The following MIPEP variants were observed in gnomAD, a reference collection of about 807,000 sequenced individuals.
MIPEP encodes mitochondrial intermediate peptidase.
Under a neutral mutation model 90.3 loss-of-function variants are expected in MIPEP, and 79 were observed. That is an observed-to-expected ratio of 0.87 (90% CI 0.73 to 1.05). MIPEP has a LOEUF of 1.05. Among genes scored for constraint, MIPEP ranks in the 50% least tolerant of loss-of-function variants. The probability of loss-of-function intolerance (pLI) is 0.00; values close to 1 mark genes in which losing one functional copy is unlikely to be tolerated. For synonymous variants in MIPEP, 334 were observed against 315.8 expected (o/e 1.06, Z -0.61); for missense variants, 940 against 905.6 (o/e 1.04, Z -0.49).
chr13:23,850,218 T>C (rs1869740578), intron 10 of MIPEP, among the ~76,000 whole-genome samples: 1 of 152,238 alleles, frequency 6.6e-6, no homozygotes, highest in African/African-American at 2.4e-5. Flanking sequence ...ACTGTATTTT[T>C]GGCATCAGGA....
chr13:23,850,654 A>C (rs2137480276), intron 10 of MIPEP, among the ~76,000 whole-genome samples: 1 of 152,380 alleles, frequency 6.6e-6, no homozygotes, highest in East Asian at 1.9e-4. Context: ...CTTCAGTGAG[A>C]GATGACACCA....
intron 14 of MIPEP, among the ~76,000 whole-genome samples, chr13:23,825,710 C>T (rs1868417396): frequency 1.3e-5 from 2 of 152,204 alleles, no homozygotes; most frequent in Admixed American, 6.5e-5. Flanking sequence ...GATCTATTGC[C>T]CCCCTCATTA....
chr13:23,873,525 G>T (rs1326130), intron 5 of MIPEP, among the ~76,000 whole-genome samples: 78,433 of 151,862 alleles, frequency 0.52, 20,476 homozygotes, highest in South Asian at 0.71. Flanking sequence ...GCTCAAAATT[G>T]TTGTGAGGAT....
intron 10 of MIPEP, among the ~76,000 whole-genome samples, chr13:23,846,758 C>T (rs866417270): frequency 2.0e-5 from 3 of 152,068 alleles, no homozygotes; most frequent in Middle Eastern, 3.2e-3. Context: ...AAATGCTTGA[C>T]CTGTATTGCA....
intron 14 of MIPEP, among the ~76,000 whole-genome samples, chr13:23,824,264 A>C (rs1248968952): frequency 6.6e-6 from 1 of 152,238 alleles, no homozygotes; most frequent in Non-Finnish European, 1.5e-5. Flanking sequence ...CATTACATTA[A>C]AAGTTTGGTA....
At chr13:23,773,996 C>G (rs779332411) in intron 16 of MIPEP, among the ~76,000 whole-genome samples, 1 of 152,146 alleles carries the variant, frequency 6.6e-6, no homozygotes, top group African/African-American at 2.4e-5. Flanking sequence ...AAGCCATTGC[C>G]TAATCCAAGG....
rs779116958 is a variant in MIPEP, at chr13:23,886,406, G to C, written c.290C>G (p.Ser97Cys). ...CACGGTCTGGGGCCCAGGTGGGGTG[G>C]AACATGCACGGTCCACAAGCAATTC... ...KTELLVDRAC[S>C]TPPGPQTVLI... The change falls in exon 2 of 19, where the codon TCC (serine) becomes TGC (cysteine). Residue 97 changes from serine (S) to cysteine (C), a missense_variant. Ser to Cys is a moderately radical substitution (Grantham distance 112, BLOSUM62 -1). Coordinates refer to ENST00000382172, the MANE Select transcript of MIPEP (RefSeq NM_005932.4). 9.9e-6 allele frequency: 16 copies of C among 1,608,200 alleles called. No homozygotes were observed. In the South Asian group the frequency reaches 1.8e-4, roughly 18 times the overall value.
chr13:23,751,847 G>A (rs1478607603), intron 18 of MIPEP, among the ~76,000 whole-genome samples: 1 of 151,914 alleles, frequency 6.6e-6, no homozygotes, highest in African/African-American at 2.4e-5. Context: ...CTCACAGGAA[G>A]AGGAAGATTT....
At chr13:23,752,953 C>G (rs187171996) in intron 18 of MIPEP, among the ~76,000 whole-genome samples, 1 of 152,142 alleles carries the variant, frequency 6.6e-6, no homozygotes, top group Admixed American at 6.5e-5. Flanking sequence ...TTGGGCCAGG[C>G]AAGGTGGCTC....
intron 16 of MIPEP, among the ~76,000 whole-genome samples, chr13:23,773,037 T>C (rs1952670692): frequency 6.6e-6 from 1 of 152,208 alleles, no homozygotes; most frequent in Admixed American, 6.5e-5. Context: ...TTAATGGTTT[T>C]CAGTATATTC....
chr13:23,844,666 T>TA (rs1869457612), intron 10 of MIPEP, among the ~76,000 whole-genome samples: 1 of 152,180 alleles, frequency 6.6e-6, no homozygotes, highest in African/African-American at 2.4e-5. Flanking sequence ...CTACCCTTCT[T>TA]AAGATTATAA....
chr13:23,883,662 T>C (rs1264630096), intron 2 of MIPEP, among the ~76,000 whole-genome samples: 4 of 152,234 alleles, frequency 2.6e-5, no homozygotes, highest in African/African-American at 9.6e-5. Flanking sequence ...ACATGTTCAG[T>C]ATGAATGCAA....
intron 15 of MIPEP, 40 bp from the exon 16 acceptor site, chr13:23,806,109 T>C (rs1389097493): frequency 6.2e-7 from 1 of 1,610,690 alleles, no homozygotes; most frequent in East Asian, 2.2e-5. Flanking sequence ...TGGTCGTCCA[T>C]CCTCACATCA....
rs561757718 is a variant in MIPEP, at chr13:23,886,385, G to A, written c.311C>T (p.Thr104Ile). The A allele has an allele frequency of 1.9e-6, 3 of 1,607,834 alleles. No individual in the cohort carries two copies. In the South Asian group the frequency reaches 3.3e-5, roughly 18 times the overall value. Residue 104 changes from threonine (T) to isoleucine (I), a missense_variant, in exon 2 of 19, where the codon ACC (threonine) becomes ATC (isoleucine). By Grantham distance (89) the Thr-to-Ile change is moderately conservative. Transcript: ENST00000382172. The part of the protein sequence containing the change: ...RACSTPPGPQ[T>I]VLIFDELSDS... ...CGAGAGCTCATCGAAGATCAGCACG[G>A]TCTGGGGCCCAGGTGGGGTGGAACA...
Position 23,870,199 on chromosome 13 carries a change from T to C in MIPEP, c.604-4A>G, listed in dbSNP as rs1870728993. 3.2e-6 allele frequency: 5 copies of C among 1,560,516 alleles called. No individual in the cohort carries two copies. The highest frequency in any genetic ancestry group is 4.6e-5 in the East Asian group (2 of 43,428). Reference sequence around the variant, plus strand: ...TGAGGTCCACTGCTCTTTTACGCTGTATGCAGGAGGAGTAAAAGTTATTTA... The same window carrying C: ...TGAGGTCCACTGCTCTTTTACGCTGCATGCAGGAGGAGTAAAAGTTATTTA... On this transcript the variant is annotated splice_region_variant and splice_polypyrimidine_tract_variant and intron_variant, in intron 5 of 18. Coordinates refer to ENST00000382172, the MANE Select transcript of MIPEP (RefSeq NM_005932.4).
chr13:23,846,579 A>G (rs1451666951), intron 10 of MIPEP, among the ~76,000 whole-genome samples: 1 of 152,200 alleles, frequency 6.6e-6, no homozygotes, highest in East Asian at 1.9e-4. Context: ...TTTGTTTCAT[A>G]TACACCTTAT....
At chr13:23,807,657 CATAAAG>C (rs776372274) in intron 15 of MIPEP, among the ~76,000 whole-genome samples, 6 of 152,116 alleles carry the variant, frequency 3.9e-5, no homozygotes, top group Non-Finnish European at 8.8e-5. Flanking sequence ...AGTAACGATG[CATAAAG>C]ATAATCAGGG....
chr13:23,788,898 T>C (rs1275308353), intron 16 of MIPEP, among the ~76,000 whole-genome samples: 2 of 152,198 alleles, frequency 1.3e-5, no homozygotes, highest in African/African-American at 2.4e-5. Flanking sequence ...TATAAAATTA[T>C]CTATCTCAGT....
At chr13:23,734,275 C>T (rs1019290653) in intron 18 of MIPEP, among the ~76,000 whole-genome samples, 2 of 152,150 alleles carry the variant, frequency 1.3e-5, no homozygotes, top group African/African-American at 4.8e-5. Flanking sequence ...CTTCTCTTTT[C>T]CTTCTTGCTT....
Sources: gnomAD v4.1 joint callset for allele counts (sites outside exome capture counted in the v4.1 genomes callset) on GRCh38, gnomAD v4.1.1 for gene constraint, MANE v1.5 for transcripts, NCBI Gene and HGNC (gene_info 2026-07-23, HGNC 2026-07-21) for gene names.